The following RCC1 variants were observed in gnomAD, a reference collection of about 807,000 sequenced individuals.
The protein encoded by RCC1 is regulator of chromosome condensation 1.
RCC1 carries 11 observed loss-of-function variants against 44.4 expected under a neutral mutation model. The ratio of observed to expected loss-of-function variants is 0.25; its 90% CI spans 0.16 to 0.41. The LOEUF is 0.41. Among genes scored for constraint, RCC1 ranks in the 10% least tolerant of loss-of-function variants. The pLI is 1.00. For missense variants in RCC1, 386 were observed against 547.1 expected (o/e 0.71, Z 2.94); for synonymous variants, 213 against 216.5 (o/e 0.98, Z 0.14).
At chr1:28,508,528 C>T (rs1375038015) in intron 2 of RCC1, 3 of 506,942 alleles carry the variant, frequency 5.9e-6, no homozygotes, top group Admixed American at 4.1e-5. Context: ...TTGGATTTGT[C>T]GGTTACTCCA....
In RCC1 at chr1:28,508,914, ATTTTTTTTTTT is replaced by A; in HGVS notation, c.-153+10_-153+20del. The A allele has an allele frequency of 2.3e-6, 1 of 442,058 alleles. No individual in the cohort carries two copies. Among genetic ancestry groups the A allele is most frequent in the Non-Finnish European group, 4.6e-6 (1 of 219,560 alleles). The allele number at this position is 442,058 out of a possible 1,614,324, so 27.4% of individuals were successfully genotyped here. On this transcript the variant is annotated intron_variant, in intron 3 of 12. Coordinates refer to ENST00000683442, the MANE Select transcript of RCC1 (RefSeq NM_001381865.2). ...TATAGAAGGGAGAGTAGGTAAACTG[ATTTTTTTTTTT>A]AACAGGGAGGGTTTGACAATCTTTG...
At chr1:28,525,224 G>C (rs1663568851) in intron 4 of RCC1, among the ~76,000 whole-genome samples, 1 of 152,128 alleles carries the variant, frequency 6.6e-6, no homozygotes, top group African/African-American at 2.4e-5. Flanking sequence ...GGAATCTATA[G>C]ATAACATAAC....
intron 5 of RCC1, chr1:28,530,486 T>C (rs1447407782): frequency 1.3e-6 from 2 of 1,567,112 alleles, no homozygotes; most frequent in Admixed American, 1.8e-5. Context: ...GGAGGGGAAG[T>C]GTGGACCCAC....
At chr1:28,508,714 A>G (rs774571754) in intron 2 of RCC1, 116 bp from the exon 3 acceptor site, 21 of 519,074 alleles carry the variant, frequency 4.0e-5, no homozygotes, top group Non-Finnish European at 7.7e-5. Flanking sequence ...ACAGCTTCCC[A>G]GAGTCCTGTG....
chr1:28,529,182 C>CTTTTTTTT (rs568053824), intron 4 of RCC1, among the ~76,000 whole-genome samples: 4 of 80,506 alleles, frequency 5.0e-5, no homozygotes, highest in African/African-American at 1.1e-4. Flanking sequence ...CGCGCCCAGG[C>CTTTTTTTT]TTTTTTTTTT....
chr1:28,508,173 G>A lies in RCC1; in HGVS notation c.-229+13G>A. On this transcript the variant is annotated intron_variant, in intron 2 of 12. Coordinates refer to ENST00000683442, the MANE Select transcript of RCC1 (RefSeq NM_001381865.2). ...TAACTCTTATTTGGTGAGTAAATCTGCTAATTGTTTTTTGCTTATCAGCTC... is the reference window on the plus strand; with the variant it reads ...TAACTCTTATTTGGTGAGTAAATCTACTAATTGTTTTTTGCTTATCAGCTC... 1 of 442,480 alleles carries A rather than the reference G, an allele frequency of 2.3e-6. No individual in the cohort carries two copies. Among genetic ancestry groups the A allele is most frequent in the Non-Finnish European group, 4.6e-6 (1 of 217,044 alleles). 27.4% of individuals were successfully genotyped at this position (442,480 alleles called of 1,614,324 possible). A position where few individuals can be genotyped will look rare whatever the true frequency, so the allele number is the denominator to read the frequency against.
rs1405788869 is a variant in RCC1, at chr1:28,531,887, A to C, written c.158A>C (p.Asn53Thr). 1 of 1,608,488 alleles carries C rather than the reference A, an allele frequency of 6.2e-7. No homozygotes were observed. Among genetic ancestry groups the C allele is most frequent in the South Asian group, 1.1e-5 (1 of 90,232 alleles). Reference protein sequence around the residue: ...GDVGQLGLGENVMERKKPALV... With the variant: ...GDVGQLGLGETVMERKKPALV... ...GTGGGCCAGCTGGGGCTGGGTGAGA[A>C]TGTGATGGAGAGGAAGAAGCCGGCC... Residue 53 changes from asparagine (N) to threonine (T), a missense_variant, in exon 6 of 13, where the codon AAT (asparagine) becomes ACT (threonine). Physicochemically the swap from Asn to Thr is moderately conservative, Grantham distance 65 (BLOSUM62 0). Transcript: ENST00000683442.
chr1:28,512,276 C>T (rs1662607046), intron 3 of RCC1, among the ~76,000 whole-genome samples: 1 of 152,072 alleles, frequency 6.6e-6, no homozygotes, highest in Non-Finnish European at 1.5e-5. Flanking sequence ...CCTCCCCTTT[C>T]CCTAAGGATC....
intron 4 of RCC1, chr1:28,526,752 C>T (rs572210336): frequency 3.7e-6 from 2 of 536,058 alleles, no homozygotes; most frequent in South Asian, 4.7e-5. Context: ...AAAAATTAGC[C>T]AGGCGTCGTG....
At chr1:28,512,335 C>A (rs542523240) in intron 3 of RCC1, among the ~76,000 whole-genome samples, 1 of 152,174 alleles carries the variant, frequency 6.6e-6, no homozygotes, top group Non-Finnish European at 1.5e-5. Context: ...CTTGATCATT[C>A]TTCCTGGTCA....
chr1:28,512,927 T>A (rs1440806909), intron 3 of RCC1, among the ~76,000 whole-genome samples: 1 of 152,096 alleles, frequency 6.6e-6, no homozygotes, highest in Admixed American at 6.6e-5. Context: ...CCCCAGCAGC[T>A]GGGACTACAG....
intron 4 of RCC1, among the ~76,000 whole-genome samples, chr1:28,529,037 ATTTTT>A (rs779736390): frequency 9.8e-6 from 1 of 101,886 alleles, no homozygotes. Flanking sequence ...TAATTTTTGT[ATTTTT>A]TTTTTTTTTT....
Sources: allele counts gnomAD v4.1 joint callset (sites outside exome capture counted in the v4.1 genomes callset), GRCh38; gene constraint gnomAD v4.1.1; transcripts MANE v1.5; gene names NCBI Gene and HGNC (gene_info 2026-07-23, HGNC 2026-07-21).